TTC27: variants seen among roughly 807,000 people sequenced by gnomAD.
TTC27 encodes the protein tetratricopeptide repeat domain 27.
In TTC27, 79 loss-of-function variants were observed where a neutral mutation model predicts 115.9. That is an observed-to-expected ratio of 0.68 (90% confidence interval 0.57 to 0.82). The LOEUF is 0.82. Among genes scored for constraint, TTC27 ranks in the 40% least tolerant of loss-of-function variants. TTC27 has a pLI of 0.00. For synonymous variants in TTC27, 401 were observed against 356.0 expected (o/e 1.13, Z -1.42); for missense variants, 1,054 against 993.1 (o/e 1.06, Z -0.82).
intron 12 of TTC27, among the ~76,000 whole-genome samples, chr2:32,754,371 T>A (rs4563278): frequency 0.75 from 109,017 of 144,514 alleles, 41,239 homozygotes; most frequent in Middle Eastern, 0.8. Context: ...GCCTTCAAGC[T>A]TCTGTTTAAC....
At chr2:32,716,177 C>G (rs1667747900) in intron 10 of TTC27, among the ~76,000 whole-genome samples, 1 of 152,042 alleles carries the variant, frequency 6.6e-6, no homozygotes, top group Non-Finnish European at 1.5e-5. Flanking sequence ...AAACCTTTTT[C>G]CCTCTAAACA....
intron 13 of TTC27, among the ~76,000 whole-genome samples, chr2:32,766,929 G>A (rs1669648101): frequency 6.6e-6 from 1 of 151,988 alleles, no homozygotes; most frequent in Non-Finnish European, 1.5e-5. Flanking sequence ...GGGACTATAG[G>A]CATGCACCAC....
At chr2:32,728,442 C>T (rs746781993) in intron 10 of TTC27, among the ~76,000 whole-genome samples, 1 of 137,490 alleles carries the variant, frequency 7.3e-6, no homozygotes, top group Non-Finnish European at 1.7e-5. Context: ...CCAACCCATA[C>T]CCTAAAGTCT....
chr2:32,754,348 TAA>T (rs1250874106), intron 12 of TTC27, among the ~76,000 whole-genome samples: 1 of 149,202 alleles, frequency 6.7e-6, no homozygotes, highest in Non-Finnish European at 1.5e-5. Flanking sequence ...CGATGACTCT[TAA>T]CGAGCATGCT....
chr2:32,778,978 C>G (rs984481628), intron 14 of TTC27, among the ~76,000 whole-genome samples: 3 of 152,198 alleles, frequency 2.0e-5, no homozygotes, highest in African/African-American at 7.2e-5. Context: ...AATCCCAACA[C>G]TTTGGGAGGC....
intron 7 of TTC27, among the ~76,000 whole-genome samples, 183 bp from the exon 8 acceptor site, chr2:32,672,089 G>A (rs1319503229): frequency 6.6e-6 from 1 of 152,136 alleles, no homozygotes; most frequent in Admixed American, 6.5e-5. Flanking sequence ...GGTATAGATG[G>A]CACATCTTTC....
chr2:32,796,866 T>C (rs1159051105), intron 16 of TTC27, among the ~76,000 whole-genome samples: 1 of 152,110 alleles, frequency 6.6e-6, no homozygotes, highest in Non-Finnish European at 1.5e-5. Flanking sequence ...GGATTTTTTT[T>C]TCTTTTTTTA....
intron 19 of TTC27, among the ~76,000 whole-genome samples, chr2:32,818,636 G>C (rs1385601510): frequency 2.6e-5 from 4 of 152,152 alleles, no homozygotes; most frequent in Non-Finnish European, 5.9e-5. Context: ...TATACCTCTG[G>C]AAGCAAAATT....
chr2:32,748,602 T>C (rs1271335669), intron 12 of TTC27, among the ~76,000 whole-genome samples: 1 of 152,246 alleles, frequency 6.6e-6, no homozygotes, highest in Non-Finnish European at 1.5e-5. Flanking sequence ...TTGGAGTTAT[T>C]TTAGCTGCAC....
chr2:32,640,982 AAAAAC>A (rs1664625298), intron 4 of TTC27, among the ~76,000 whole-genome samples: 1 of 152,162 alleles, frequency 6.6e-6, no homozygotes, highest in African/African-American at 2.4e-5. Flanking sequence ...ACTGTGTCTC[AAAAAC>A]AAAACAAAAC....
intron 16 of TTC27, among the ~76,000 whole-genome samples, chr2:32,801,223 A>G (rs1319931114): frequency 1.3e-5 from 2 of 152,228 alleles, no homozygotes; most frequent in Admixed American, 1.3e-4. Flanking sequence ...ACAATAACAA[A>G]TTACCACAAA....
At chr2:32,797,957 G>A (rs1200949807) in intron 16 of TTC27, among the ~76,000 whole-genome samples, 1 of 151,992 alleles carries the variant, frequency 6.6e-6, no homozygotes, top group South Asian at 2.1e-4. Flanking sequence ...ATGTGCAAAG[G>A]AGTTGAATAG....
intron 16 of TTC27, among the ~76,000 whole-genome samples, chr2:32,805,250 G>A (rs1671089043): frequency 1.3e-5 from 2 of 152,152 alleles, no homozygotes; most frequent in South Asian, 4.2e-4. Context: ...GGGTTGCTGG[G>A]TGGGTTACAT....
chr2:32,698,190 G>C (rs1416656524), intron 9 of TTC27, among the ~76,000 whole-genome samples: 3 of 152,094 alleles, frequency 2.0e-5, no homozygotes, highest in Non-Finnish European at 4.4e-5. Context: ...CTGGAGTGCA[G>C]TAGTGTGATC....
intron 12 of TTC27, among the ~76,000 whole-genome samples, chr2:32,739,805 CTT>C (rs1450373492): frequency 2.0e-5 from 3 of 152,146 alleles, no homozygotes; most frequent in African/African-American, 7.2e-5. Context: ...AGCTGATACT[CTT>C]TTGGTATTTG....
chr2:32,767,023 C>T (rs78196809), intron 13 of TTC27, among the ~76,000 whole-genome samples: 7,849 of 152,138 alleles, frequency 0.052, 512 homozygotes, highest in African/African-American at 0.15. Flanking sequence ...TGGCCTCAAG[C>T]GATCTGCCCC....
chr2:32,650,776 T>A (rs915165772), intron 5 of TTC27, among the ~76,000 whole-genome samples: 4 of 152,232 alleles, frequency 2.6e-5, no homozygotes, highest in Admixed American at 2.6e-4. Flanking sequence ...TTTCATTTTA[T>A]TAGTATTTTT....
intron 5 of TTC27, among the ~76,000 whole-genome samples, chr2:32,654,949 G>A (rs2151872812): frequency 6.7e-6 from 1 of 149,878 alleles, no homozygotes; most frequent in East Asian, 2.0e-4. Context: ...ATCCTCCTCA[G>A]CCCCCCAAAG....
At chr2:32,677,814 A>G (rs1190989577) in intron 8 of TTC27, among the ~76,000 whole-genome samples, 1 of 152,246 alleles carries the variant, frequency 6.6e-6, no homozygotes, top group East Asian at 1.9e-4. Flanking sequence ...GCAAGATCTA[A>G]GAATGCCCAT....
Sources: gnomAD v4.1 joint callset for allele counts (sites outside exome capture counted in the v4.1 genomes callset) on GRCh38, gnomAD v4.1.1 for gene constraint, MANE v1.5 for transcripts, NCBI Gene and HGNC (gene_info 2026-07-23, HGNC 2026-07-21) for gene names.